The following NAA16 variants were observed in gnomAD, a reference collection of about 807,000 sequenced individuals.
The protein encoded by NAA16 is N-alpha-acetyltransferase 16, NatA auxiliary subunit.
A neutral mutation model predicts 110.3 loss-of-function variants in NAA16; 97 were observed. The ratio of observed to expected loss-of-function variants is 0.88; its 90% CI spans 0.75 to 1.04. The LOEUF (loss-of-function observed/expected upper bound fraction) is 1.04. Among genes scored for constraint, NAA16 ranks in the 50% least tolerant of loss-of-function variants. The pLI, the probability that NAA16 is intolerant of heterozygous loss-of-function variation, is 0.00. For missense variants in NAA16, 1,017 were observed against 1,005.1 expected (o/e 1.01, Z -0.16); for synonymous variants, 372 against 330.6 (o/e 1.13, Z -1.36).
intron 9 of NAA16, among the ~76,000 whole-genome samples, chr13:41,352,515 CATG>C (rs1173536196): frequency 1.4e-5 from 2 of 146,890 alleles, no homozygotes; most frequent in Admixed American, 1.4e-4. Context: ...ATTAGCCAGG[CATG>C]GTGGTGCACA....
intron 9 of NAA16, among the ~76,000 whole-genome samples, chr13:41,348,179 T>A (rs962340102): frequency 4.0e-4 from 61 of 152,338 alleles, no homozygotes; most frequent in Non-Finnish European, 1.6e-4. Flanking sequence ...TTTTTATTTT[T>A]TTTTTCAAGA....
Position 41,358,979 on chromosome 13 carries a change from A to G in NAA16, c.1410+17A>G. 6.3e-7 allele frequency: 1 copy of G among 1,578,602 alleles called. No homozygotes were observed. The highest frequency in any genetic ancestry group is 1.7e-5 in the Admixed American group (1 of 58,504). ...TTCACAAGGGTAGGAAATAGCATGCATGAGCATGTAATTGTCTAAATTAAG... is the reference window on the plus strand; with the variant it reads ...TTCACAAGGGTAGGAAATAGCATGCGTGAGCATGTAATTGTCTAAATTAAG... On this transcript the variant is annotated intron_variant, in intron 12 of 19. Coordinates refer to ENST00000379406, the MANE Select transcript of NAA16 (RefSeq NM_024561.5).
chr13:41,352,476 G>A (rs774886549), intron 9 of NAA16, among the ~76,000 whole-genome samples: 4 of 150,862 alleles, frequency 2.7e-5, no homozygotes, highest in Middle Eastern at 3.6e-3. Flanking sequence ...CCAACATGAC[G>A]AAACCCCCTC....
At chr13:41,357,550 A>G (rs7358853) in intron 10 of NAA16, among the ~76,000 whole-genome samples, 144,304 of 152,332 alleles carry the variant, frequency 0.95, 68,419 homozygotes, top group South Asian at 0.99. Context: ...ATGTCATTTG[A>G]TCAGCTATGC....
chr13:41,327,873 A>G (rs1458691265), intron 6 of NAA16: 1 of 151,922 alleles, frequency 6.6e-6, no homozygotes, highest in Non-Finnish European at 1.5e-5. Context: ...GTCTTATTCT[A>G]GAGTTTGAGT....
chr13:41,343,382 G>A (rs532354716), intron 9 of NAA16, among the ~76,000 whole-genome samples: 1 of 152,126 alleles, frequency 6.6e-6, no homozygotes, highest in East Asian at 1.9e-4. Flanking sequence ...GAGCCACCAC[G>A]CCTAGCTCTA....
intron 12 of NAA16, 126 bp from the exon 13 acceptor site, chr13:41,361,903 CAT>C: frequency 1.0e-6 from 1 of 989,112 alleles, no homozygotes; most frequent in Non-Finnish European, 1.5e-6. Flanking sequence ...TGTTTGGAAA[CAT>C]ACTGATATAT....
chr13:41,322,403 G>A (rs1262059424), intron 4 of NAA16, among the ~76,000 whole-genome samples: 2 of 152,146 alleles, frequency 1.3e-5, no homozygotes, highest in South Asian at 2.1e-4. Context: ...TGTGGCTGTG[G>A]GAGTGGGCCT....
At chr13:41,373,962 T>TA (rs1460009166) in intron 18 of NAA16, 182 bp downstream of exon 18, 1 of 958,800 alleles carries the variant, frequency 1.0e-6, no homozygotes, top group African/African-American at 1.7e-5. Context: ...CAGGATGTAA[T>TA]ACCAGATTTA....
In NAA16 at chr13:41,372,200, T is replaced by C. The variant is rs748263092; in HGVS notation, c.1948-3T>C. 8.5e-6 allele frequency: 13 copies of C among 1,525,770 alleles called. No homozygotes were observed. The South Asian group carries it at 1.7e-4, about 20-fold the overall frequency. 94.5% of individuals were successfully genotyped at this position (1,525,770 alleles called of 1,614,324 possible). A position where few individuals can be genotyped will look rare whatever the true frequency, so the allele number is the denominator to read the frequency against. On this transcript the variant is annotated splice_polypyrimidine_tract_variant and splice_region_variant and intron_variant, in intron 15 of 19. Coordinates refer to ENST00000379406, the MANE Select transcript of NAA16 (RefSeq NM_024561.5). Reference sequence around the variant, plus strand: ...AATAATTTTCCTTTCTGTTTCAAAATAGGTAGAAAATCCATTAGAGGAAGC... The same window carrying C: ...AATAATTTTCCTTTCTGTTTCAAAACAGGTAGAAAATCCATTAGAGGAAGC...
chr13:41,321,273 G>C lies in NAA16; in HGVS notation c.402+449G>C, dbSNP rs567132389. ...GATTATGCTACTGCACTCCAGCCTG[G>C]GCAAGAGAGCAAGACTTTTTCTCAA... is the stretch of plus-strand genomic sequence containing the variant. On this transcript the variant is annotated intron_variant, in intron 4 of 19. Transcript: ENST00000379406. Among the ~76,000 whole-genome samples, 47 of 152,234 alleles carry C rather than the reference G, an allele frequency of 3.1e-4. 1 individual carries two copies. The highest frequency in any genetic ancestry group is 2.5e-3 in the East Asian group (13 of 5,186).
chr13:41,367,751 T>C (rs893222992), intron 14 of NAA16, 99 bp downstream of exon 14: 45 of 792,518 alleles, frequency 5.7e-5, no homozygotes, highest in Non-Finnish European at 8.0e-5. Flanking sequence ...TATTGTCTGT[T>C]GGAGTTGAAG....
intron 13 of NAA16, chr13:41,362,941 C>A: frequency 9.0e-7 from 1 of 1,110,228 alleles, no homozygotes; most frequent in Non-Finnish European, 1.1e-6. Flanking sequence ...CTGAGATTAC[C>A]CACAAGGAAG....
intron 9 of NAA16, among the ~76,000 whole-genome samples, chr13:41,348,217 G>A (rs1566277603): frequency 6.6e-6 from 1 of 151,928 alleles, no homozygotes; most frequent in Non-Finnish European, 1.5e-5. Context: ...ACCCGGGCTG[G>A]AGTGCAGTGG....
chr13:41,315,495 T>G (rs1216851983), intron 1 of NAA16, among the ~76,000 whole-genome samples: 1 of 152,206 alleles, frequency 6.6e-6, no homozygotes, highest in Non-Finnish European at 1.5e-5. Context: ...GATCAGAGTT[T>G]GCAGCTAAGC....
intron 8 of NAA16, 44 bp downstream of exon 8, chr13:41,331,413 T>C (rs1779798702): frequency 1.5e-6 from 2 of 1,297,162 alleles, no homozygotes; most frequent in Non-Finnish European, 2.2e-6. Context: ...TTTGTCAGAA[T>C]TACTCAATGT....
At chr13:41,324,395 A>G (rs2042033514) in intron 5 of NAA16, among the ~76,000 whole-genome samples, 1 of 76,000 alleles carries the variant, frequency 1.3e-5, no homozygotes, top group East Asian at 4.5e-4. Context: ...TTTTTTTTTG[A>G]GACAGAGTCT....
In NAA16 at chr13:41,347,236, AAAAC is replaced by A. The variant is rs1417069394; in HGVS notation, c.1015-7904_1015-7901del. On this transcript the variant is annotated intron_variant, in intron 9 of 19. Transcript: ENST00000379406. ...TCTCAAAAAAAAAAAAACAAAAACA[AAAAC>A]AAAAAAAGAAATCAGGAAGTGTGAC... 1.5e-3 allele frequency among the ~76,000 whole-genome samples: 225 copies of A among 150,002 alleles called. 5 individuals are homozygous for A. Among genetic ancestry groups the A allele is most frequent in the South Asian group, 4.5e-3 (21 of 4,708 alleles).
chr13:41,358,067 T>A (rs2043032166), intron 10 of NAA16, among the ~76,000 whole-genome samples: 1 of 152,218 alleles, frequency 6.6e-6, no homozygotes, highest in Non-Finnish European at 1.5e-5. Context: ...CAGCATTGTT[T>A]CTTTGGAGTG....
Sources: allele counts gnomAD v4.1 joint callset (sites outside exome capture counted in the v4.1 genomes callset), GRCh38; gene constraint gnomAD v4.1.1; transcripts MANE v1.5; gene names NCBI Gene and HGNC (gene_info 2026-07-23, HGNC 2026-07-21).